Variants in TASOR2 observed in about 807,000 individuals in gnomAD.
The protein encoded by TASOR2 is transcription activation suppressor family member 2, also known as protein TASOR 2.
In TASOR2, 84 loss-of-function variants were observed where a neutral mutation model predicts 199.5. That is an observed-to-expected ratio of 0.42 (90% CI 0.35 to 0.50). TASOR2 has a LOEUF of 0.50. Ranked by LOEUF, TASOR2 falls within the 20% of genes least tolerant of loss-of-function variation. The pLI, the probability that TASOR2 is intolerant of heterozygous loss-of-function variation, is 0.02. For missense variants in TASOR2, 2,796 were observed against 2,835.9 expected (o/e 0.99, Z 0.32); for synonymous variants, 1,103 against 1,046.6 (o/e 1.05, Z -1.04).
rs925614791 is a variant in TASOR2 at position 5,698,853 on chromosome 10, A to G, written c.-288+13678A>G. On this transcript the variant is annotated intron_variant, in intron 1 of 20. Transcript: ENST00000328090. This position sits in a 1 kb window ranked among gnomAD's most constrained non-coding sequence, Gnocchi z 4.4. ...TAACAAGTGTTGGTAATGCTGTGAA[A>G]AAATTGGAACCTTCTGTATACTGCT... 1.3e-5 allele frequency among the ~76,000 whole-genome samples: 2 copies of G among 152,232 alleles called. No homozygotes were observed. The highest frequency in any genetic ancestry group is 2.9e-5 in the Non-Finnish European group (2 of 68,032).
Position 5,748,631 on chromosome 10 carries a change from C to T in TASOR2, c.5210C>T (p.Ser1737Leu). The change falls in exon 15 of 21, where the codon TCA becomes TTA. Residue 1737 changes from serine to leucine, a missense_variant. By Grantham distance (145) the Ser-to-Leu change is moderately radical. Coordinates refer to ENST00000328090, the Ensembl canonical transcript of TASOR2. The surrounding 1 kb of genome is among the most constrained non-coding windows in gnomAD (Gnocchi z 5.1). ...GCCATCCACACGCTGCAAGATGTGT[C>T]AACATGTGAAACAAAGGAGCTATTG... 6.2e-7 allele frequency: 1 copy of T among 1,614,168 alleles called. No individual in the cohort carries two copies. The highest frequency in any genetic ancestry group is 8.5e-7 in the Non-Finnish European group (1 of 1,180,040).
chr10:5,756,738 G>C lies in TASOR2; in HGVS notation c.6732G>C (p.Gln2244His), dbSNP rs775238472. 6 of 1,611,250 alleles carry C rather than the reference G, an allele frequency of 3.7e-6. No individual in the cohort carries two copies. The South Asian group carries it at 5.5e-5, about 15-fold the overall frequency. ...AAGATATATCATCACATTTGCATCA[G>C]GTCGGTTGGAAATACCTTACAAAGA... The change falls in exon 16 of 21, where the codon CAG becomes CAC. Residue 2244 changes from glutamine (Q) to histidine (H), a missense_variant and splice_region_variant. Physicochemically the swap from Gln to His is conservative, Grantham distance 24 (BLOSUM62 0). Coordinates refer to ENST00000328090, the Ensembl canonical transcript of TASOR2.
chr10:5,761,935 G>A (rs10905137), intron 19 of TASOR2: 80,146 of 152,430 alleles, frequency 0.53, 21,907 homozygotes, highest in Middle Eastern at 0.66. Context: ...TTGGGAGGCC[G>A]AGGCAGGAGA....
chr10:5,746,684 C>G (rs371749753), exon 15 of TASOR2: 1 of 1,614,012 alleles, frequency 6.2e-7, no homozygotes, highest in African/African-American at 1.3e-5. Context: ...CAAGTATCAC[C>G]TGCTGCAAGC....
chr10:5,691,062 A>G (rs979682849), intron 1 of TASOR2, among the ~76,000 whole-genome samples: 1 of 150,094 alleles, frequency 6.7e-6, no homozygotes, highest in African/African-American at 2.4e-5. Context: ...ATGATGGTGC[A>G]TGCCTGTAGT....
intron 1 of TASOR2, among the ~76,000 whole-genome samples, chr10:5,691,159 C>T (rs1836376387): frequency 1.3e-5 from 2 of 150,806 alleles, no homozygotes; most frequent in African/African-American, 4.9e-5. Context: ...CCACTGCACT[C>T]CAGCCTGACG....
At chr10:5,763,041 C>G (rs760680316) in exon 21 of TASOR2, 25 of 1,611,906 alleles carry the variant, frequency 1.6e-5, no homozygotes, top group Non-Finnish European at 2.1e-5. Context: ...GACTCAACTA[C>G]AGCCTGCCTG....
At chr10:5,684,850 T>C (rs1166316313) in exon 1 of TASOR2, 11 of 391,656 alleles carry the variant, frequency 2.8e-5, no homozygotes, top group African/African-American at 2.1e-4. Context: ...TTCCGGTTGC[T>C]AGCGCCGGTC....
rs750963520 is a variant in TASOR2, at chr10:5,687,548, G to A, written c.-288+2373G>A. 2.0e-5 allele frequency among the ~76,000 whole-genome samples: 3 copies of A among 152,238 alleles called. No homozygotes were observed. The highest frequency in any genetic ancestry group is 1.9e-4 in the East Asian group (1 of 5,200). ...AAGAACCATTGAGGGGGCCAGGTAC[G>A]GTGGCCCACGCCTGTAATCCCAGCA... On this transcript the variant is annotated intron_variant, in intron 1 of 20. Coordinates refer to ENST00000328090, the Ensembl canonical transcript of TASOR2. The surrounding 1 kb of genome is among the most constrained non-coding windows in gnomAD (Gnocchi z 4.8).
chr10:5,707,251 T>A (rs1838751324), intron 1 of TASOR2, among the ~76,000 whole-genome samples: 1 of 152,116 alleles, frequency 6.6e-6, no homozygotes, highest in African/African-American at 2.4e-5. Context: ...CCTTAGAGAG[T>A]ATAAATTTAA....
rs1000834846 is a variant in TASOR2, at chr10:5,685,555, G to T, written c.-288+380G>T. 6.6e-6 allele frequency among the ~76,000 whole-genome samples: 1 copy of T among 152,182 alleles called. No individual in the cohort carries two copies. ...CCGGCTGGGAAATCATTTCCTGCGG[G>T]TTCTGCGTGAAGCCTGCTGCTACTC... On this transcript the variant is annotated intron_variant, in intron 1 of 20. Transcript: ENST00000328090. This position sits in a 1 kb window ranked among gnomAD's most constrained non-coding sequence, Gnocchi z 5.4.
chr10:5,727,177 C>T (rs918358109), intron 10 of TASOR2, 54 bp downstream of exon 11: 1 of 1,589,638 alleles, frequency 6.3e-7, no homozygotes, highest in Non-Finnish European at 8.6e-7. Flanking sequence ...ATTTAGTCCT[C>T]ATCTGACTTG....
In TASOR2 at chr10:5,748,650, G is replaced by A; in HGVS notation, c.5229G>A (p.Glu1743=). Residue 1743 remains glutamate, a synonymous_variant, in exon 15 of 21, where the codon GAG becomes GAA. Transcript: ENST00000328090. This position sits in a 1 kb window ranked among gnomAD's most constrained non-coding sequence, Gnocchi z 5.1. ...ATGTGTCAACATGTGAAACAAAGGAGCTATTGAATGTCGGGGTTTCCTCCC... is the reference window on the plus strand; with the variant it reads ...ATGTGTCAACATGTGAAACAAAGGAACTATTGAATGTCGGGGTTTCCTCCC... 1.2e-6 allele frequency: 2 copies of A among 1,614,238 alleles called. No individual in the cohort carries two copies. Among genetic ancestry groups the A allele is most frequent in the Non-Finnish European group, 1.7e-6 (2 of 1,180,044 alleles).
rs1053658649 is a variant in TASOR2 at position 5,754,506 on chromosome 10, C to T, written c.6607-2107C>T. Among the ~76,000 whole-genome samples, 3 of 152,140 alleles carry T rather than the reference C, an allele frequency of 2.0e-5. No individual in the cohort carries two copies. The East Asian group carries it at 5.8e-4, about 30-fold the overall frequency. The stretch of plus-strand genomic sequence containing the variant: ...CTGGTTTCAAGTGATTCTCCTGCCT[C>T]ACCTTCTCGAATAGCTGGGATTACA... On this transcript the variant is annotated intron_variant, in intron 15 of 20. Coordinates refer to ENST00000328090, the Ensembl canonical transcript of TASOR2. This position sits in a 1 kb window ranked among gnomAD's most constrained non-coding sequence, Gnocchi z 4.3.
chr10:5,692,288 G>T (rs1161152256), intron 1 of TASOR2, among the ~76,000 whole-genome samples: 1 of 152,150 alleles, frequency 6.6e-6, no homozygotes, highest in African/African-American at 2.4e-5. Flanking sequence ...GATGTGGGAC[G>T]AAGAGTTATA....
In TASOR2 at chr10:5,753,469, T is replaced by A. The variant is rs11597597; in HGVS notation, c.6607-3144T>A. The stretch of plus-strand genomic sequence containing the variant: ...GCTCTGTCTCCCGCATTCACACCAT[T>A]CTCCTGCCTCTGCCTCCGGAGTAGC... On this transcript the variant is annotated intron_variant, in intron 15 of 20. Transcript: ENST00000328090. Among the ~76,000 whole-genome samples the A allele has an allele frequency of 6.1e-3, 931 of 152,264 alleles. 16 individuals are homozygous for A. Among genetic ancestry groups the A allele is most frequent in the South Asian group, 0.045 (215 of 4,816 alleles).
Position 5,730,760 on chromosome 10 carries a change from C to T in TASOR2, c.761C>T (p.Ser254Leu). 6.2e-7 allele frequency: 1 copy of T among 1,614,200 alleles called. No individual in the cohort carries two copies. Among genetic ancestry groups the T allele is most frequent in the Non-Finnish European group, 8.5e-7 (1 of 1,180,034 alleles). ...ATTCCTCCAGCTGAAAAGTGCCCTTCAGAGTCTTTAACTCAGTTGAACTCT... is the reference window on the plus strand; with the variant it reads ...ATTCCTCCAGCTGAAAAGTGCCCTTTAGAGTCTTTAACTCAGTTGAACTCT... The change falls in exon 11 of 21, where the codon TCA becomes TTA. Residue 254 changes from serine (S) to leucine (L), a missense_variant. Transcript: ENST00000328090. This position sits in a 1 kb window ranked among gnomAD's most constrained non-coding sequence, Gnocchi z 4.1.
At chr10:5,714,281 TA>T (rs1441012220) in intron 2 of TASOR2, 74 bp downstream of exon 3, 8 of 922,140 alleles carry the variant, frequency 8.7e-6, no homozygotes, top group Non-Finnish European at 1.1e-5. Flanking sequence ...TCATTAGTTT[TA>T]TAAGATATGT....
exon 15 of TASOR2, chr10:5,749,087 T>C (rs200680802): frequency 6.2e-7 from 1 of 1,614,074 alleles, no homozygotes; most frequent in Non-Finnish European, 8.5e-7. Context: ...GTTCCAGGCA[T>C]GGAGACGAGC....
Sources: allele counts gnomAD v4.1 joint callset (sites outside exome capture counted in the v4.1 genomes callset), GRCh38; gene constraint gnomAD v4.1.1; non-coding constraint Gnocchi (gnomAD v3.1); transcripts MANE v1.5; gene names NCBI Gene and HGNC (gene_info 2026-07-23, HGNC 2026-07-21).